The following PLCB1 variants were observed in gnomAD, a reference collection of about 807,000 sequenced individuals.
PLCB1 encodes phospholipase C beta 1, also known as 1-phosphatidylinositol 4,5-bisphosphate phosphodiesterase beta-1.
A neutral mutation model predicts 161.8 loss-of-function variants in PLCB1; 46 were observed. The observed-to-expected ratio is 0.28, with a 90% CI of 0.22 to 0.36. The LOEUF is 0.36. Among genes scored for constraint, PLCB1 ranks in the 10% least tolerant of loss-of-function variants. The pLI is 1.00. For missense variants in PLCB1, 1,016 were observed against 1,472.5 expected (o/e 0.69, Z 5.07); for synonymous variants, 517 against 503.7 (o/e 1.03, Z -0.35).
intron 31 of PLCB1, among the ~76,000 whole-genome samples, chr20:8,863,751 C>T (rs1816125241): frequency 6.6e-6 from 1 of 152,200 alleles, no homozygotes; most frequent in Admixed American, 6.5e-5. Context: ...TTTCAATCTA[C>T]TTCTAACTGG....
intron 11 of PLCB1, 21 bp from the exon 12 acceptor site, chr20:8,708,649 T>C: frequency 6.6e-7 from 1 of 1,511,134 alleles, no homozygotes; most frequent in East Asian, 2.3e-5. Context: ...ATACTGAATA[T>C]ACATGTGTTC....
At chr20:8,563,444 C>T (rs1218825324) in intron 3 of PLCB1, among the ~76,000 whole-genome samples, 1 of 151,948 alleles carries the variant, frequency 6.6e-6, no homozygotes, top group Non-Finnish European at 1.5e-5. Flanking sequence ...ATTGTCCAAA[C>T]TCAAAAGGAA....
chr20:8,590,864 G>T (rs889566031), intron 3 of PLCB1, among the ~76,000 whole-genome samples: 1 of 152,002 alleles, frequency 6.6e-6, no homozygotes, highest in Non-Finnish European at 1.5e-5. Flanking sequence ...GGACGTGCAG[G>T]TTTGTTACAT....
rs1988267584 is a variant in PLCB1 at position 8,624,229 on chromosome 20, G to C, written c.247-4065G>C. On this transcript the variant is annotated intron_variant, in intron 3 of 31. Transcript: ENST00000338037. ...ATATGCTTGATGATTGATAGGAATG[G>C]ATTTGAGTTCCATCCATATAACTGT... Among the ~76,000 whole-genome samples, 4 of 152,238 alleles carry C rather than the reference G, an allele frequency of 2.6e-5. 1 individual carries two copies. In the South Asian group the frequency reaches 8.3e-4, roughly 32 times the overall value.
intron 2 of PLCB1, among the ~76,000 whole-genome samples, chr20:8,199,777 A>G (rs746012490): frequency 3.9e-5 from 6 of 152,180 alleles, no homozygotes; most frequent in South Asian, 2.1e-4. Context: ...CTTTGTACGT[A>G]CTAATATTTA....
At chr20:8,252,061 G>A (rs1239617975) in intron 2 of PLCB1, among the ~76,000 whole-genome samples, 4 of 151,936 alleles carry the variant, frequency 2.6e-5, no homozygotes, top group Non-Finnish European at 4.4e-5. Context: ...ATGAAAGATA[G>A]GAAGTAAGAC....
intron 1 of PLCB1, among the ~76,000 whole-genome samples, chr20:8,148,403 C>A (rs1313202000): frequency 6.6e-6 from 1 of 152,106 alleles, no homozygotes; most frequent in Non-Finnish European, 1.5e-5. Flanking sequence ...AAAATTCTAG[C>A]TGAAGTTCCT....
At chr20:8,526,965 A>G (rs911309358) in intron 3 of PLCB1, among the ~76,000 whole-genome samples, 3 of 152,100 alleles carry the variant, frequency 2.0e-5, no homozygotes, top group Non-Finnish European at 2.9e-5. Flanking sequence ...CAGTTCAAGC[A>G]TCCTCTGATG....
At chr20:8,671,805 C>T (rs1989952014) in intron 9 of PLCB1, among the ~76,000 whole-genome samples, 1 of 152,212 alleles carries the variant, frequency 6.6e-6, no homozygotes. Context: ...CCATCAACCA[C>T]ACCCACCACT....
chr20:8,262,667 T>G (rs1402292971), intron 2 of PLCB1, among the ~76,000 whole-genome samples: 1 of 152,206 alleles, frequency 6.6e-6, no homozygotes, highest in Non-Finnish European at 1.5e-5. Context: ...TCGTACAGGC[T>G]GCTATAACAA....
At chr20:8,197,549 C>A (rs1444882774) in intron 2 of PLCB1, among the ~76,000 whole-genome samples, 1 of 151,954 alleles carries the variant, frequency 6.6e-6, no homozygotes, top group African/African-American at 2.4e-5. Context: ...ATTGTAGATT[C>A]TGGATATTAG....
chr20:8,868,538 T>C (rs935497295), intron 31 of PLCB1, among the ~76,000 whole-genome samples: 3 of 152,250 alleles, frequency 2.0e-5, no homozygotes, highest in African/African-American at 7.2e-5. Flanking sequence ...ATCAGGTTCC[T>C]GAGACCTTCA....
intron 3 of PLCB1, among the ~76,000 whole-genome samples, chr20:8,455,940 T>C (rs1383818640): frequency 1.3e-5 from 2 of 152,166 alleles, no homozygotes; most frequent in Non-Finnish European, 2.9e-5. Context: ...GTAATCAAAA[T>C]GATGTGTACA....
Position 8,589,743 on chromosome 20 carries a change from G to T in PLCB1, c.247-38551G>T, listed in dbSNP as rs1600173918. ...CAATCCTCCCACCTCAGCCTTCCAA[G>T]TGACTGGGGCTACAGATGTGTGCCA... On this transcript the variant is annotated intron_variant, in intron 3 of 31. Coordinates refer to ENST00000338037, the MANE Select transcript of PLCB1 (RefSeq NM_015192.4). 2.7e-5 allele frequency among the ~76,000 whole-genome samples: 4 copies of T among 149,022 alleles called. No individual in the cohort carries two copies. The South Asian group carries it at 8.5e-4, about 32-fold the overall frequency.
intron 2 of PLCB1, among the ~76,000 whole-genome samples, chr20:8,184,769 T>TTA (rs2051882736): frequency 4.6e-4 from 65 of 141,916 alleles, no homozygotes; most frequent in Admixed American, 1.4e-3. Context: ...TGGCAATACC[T>TTA]TTATTATTAT....
intron 2 of PLCB1, among the ~76,000 whole-genome samples, chr20:8,353,121 G>A (rs925722329): frequency 1.3e-5 from 2 of 152,002 alleles, no homozygotes; most frequent in Non-Finnish European, 2.9e-5. Flanking sequence ...TTCTAGAGCT[G>A]GGGAAGGGAA....
chr20:8,341,683 T>A (rs1269028048), intron 2 of PLCB1, among the ~76,000 whole-genome samples: 1 of 152,232 alleles, frequency 6.6e-6, no homozygotes. Context: ...GCACTAATTA[T>A]ATCTGACCTT....
Position 8,417,071 on chromosome 20 carries a change from ATATTTTT to A in PLCB1, c.246+45623_246+45629del, listed in dbSNP as rs1600386837. Among the ~76,000 whole-genome samples the A allele has an allele frequency of 3.7e-4, 19 of 51,674 alleles. 1 individual carries two copies. Among genetic ancestry groups the A allele is most frequent in the African/African-American group, 1.1e-3 (18 of 17,100 alleles). 33.9% of individuals were successfully genotyped at this position (51,674 alleles called of 152,430 possible). The stretch of plus-strand genomic sequence containing the variant: ...CACACACACATATATATATATATAT[ATATTTTT>A]TTTTTTTTTTTTTTTTTTTTTTTTT... On this transcript the variant is annotated intron_variant, in intron 3 of 31. Coordinates refer to ENST00000338037, the MANE Select transcript of PLCB1 (RefSeq NM_015192.4).
At chr20:8,880,879 G>A in intron 31 of PLCB1, 1 of 14,368 alleles carries the variant, frequency 7.0e-5, no homozygotes, top group African/African-American at 3.1e-4. Context: ...TTTTTTTTTT[G>A]GTTTTGAGAT....
Sources: allele counts gnomAD v4.1 joint callset (sites outside exome capture counted in the v4.1 genomes callset), GRCh38; gene constraint gnomAD v4.1.1; transcripts MANE v1.5; gene names NCBI Gene and HGNC (gene_info 2026-07-23, HGNC 2026-07-21).